The following STIM2 variants were observed in gnomAD, a reference collection of about 807,000 sequenced individuals.
STIM2 encodes the protein stromal interaction molecule 2.
In STIM2, 31 loss-of-function variants were observed where a neutral mutation model predicts 85.8. The observed-to-expected ratio is 0.36, with a 90% confidence interval of 0.27 to 0.49. The LOEUF is 0.49. Among genes scored for constraint, STIM2 ranks in the 20% least tolerant of loss-of-function variants. STIM2 has a pLI of 0.98. For synonymous variants in STIM2, 356 were observed against 331.1 expected, an observed-to-expected ratio of 1.08 and a Z score of -0.82; for missense variants, 841 against 927.6, an observed-to-expected ratio of 0.91 and a Z score of 1.21.
At chr4:26,886,431 G>A (rs548065069) in intron 1 of STIM2, among the ~76,000 whole-genome samples, 1 of 152,174 alleles carries the variant, frequency 6.6e-6, no homozygotes, top group Non-Finnish European at 1.5e-5. Context: ...AATAAAATAG[G>A]TGAGAAGGTA....
chr4:26,918,661 A>G (rs1363038726), intron 1 of STIM2, among the ~76,000 whole-genome samples: 1 of 152,200 alleles, frequency 6.6e-6, no homozygotes, highest in Non-Finnish European at 1.5e-5. Flanking sequence ...CAGACTGGGT[A>G]TAAGTGAAGC....
chr4:26,986,101 T>C (rs1376549559), intron 3 of STIM2, among the ~76,000 whole-genome samples: 1 of 152,172 alleles, frequency 6.6e-6, no homozygotes, highest in Admixed American at 6.6e-5. Flanking sequence ...GTCTGTGAAT[T>C]TGAGCAAGTG....
rs1337845511 is a variant in STIM2, at chr4:26,954,076, A to G, written c.283-3536A>G. Among the ~76,000 whole-genome samples, 9 of 152,176 alleles carry G rather than the reference A, an allele frequency of 5.9e-5. No homozygotes were observed. The East Asian group carries it at 1.7e-3, about 29-fold the overall frequency. On this transcript the variant is annotated intron_variant, in intron 2 of 11. Coordinates refer to ENST00000467087, the MANE Select transcript of STIM2 (RefSeq NM_020860.4). ...GTGAGTATTTGTCTGGGAAAAGGGT[A>G]TGGCCTGAATACAGCCCCAGAATGT...
chr4:26,896,839 A>G (rs552035652), intron 1 of STIM2, among the ~76,000 whole-genome samples: 2 of 152,306 alleles, frequency 1.3e-5, no homozygotes, highest in Admixed American at 6.5e-5. Flanking sequence ...TGTCATCACA[A>G]AGGAATTCCC....
At chr4:26,913,702 A>G (rs867771759) in intron 1 of STIM2, among the ~76,000 whole-genome samples, 7 of 152,202 alleles carry the variant, frequency 4.6e-5, no homozygotes, top group African/African-American at 7.2e-5. Context: ...TGGAAATCCA[A>G]TTAGGTAAGT....
intron 3 of STIM2, among the ~76,000 whole-genome samples, chr4:26,970,814 C>G (rs1726919384): frequency 6.6e-6 from 1 of 152,298 alleles, no homozygotes; most frequent in South Asian, 2.1e-4. Context: ...TGAGGAATCA[C>G]CACACTGTCT....
intron 10 of STIM2, among the ~76,000 whole-genome samples, chr4:27,017,317 G>A (rs1728762169): frequency 6.6e-6 from 1 of 152,184 alleles, no homozygotes; most frequent in South Asian, 2.1e-4. Flanking sequence ...GATATTTCAA[G>A]AGATACCATT....
intron 1 of STIM2, among the ~76,000 whole-genome samples, chr4:26,894,166 C>T (rs761852817): frequency 2.0e-5 from 3 of 152,174 alleles, no homozygotes; most frequent in Admixed American, 6.5e-5. Flanking sequence ...GGATTACAGG[C>T]GTGAGCCACT....
At chr4:26,973,038 A>G (rs1455748038) in intron 3 of STIM2, among the ~76,000 whole-genome samples, 1 of 152,138 alleles carries the variant, frequency 6.6e-6, no homozygotes, top group Non-Finnish European at 1.5e-5. Flanking sequence ...AGAGGTGTTT[A>G]TAGTATTCTC....
intron 3 of STIM2, among the ~76,000 whole-genome samples, chr4:26,971,858 C>A (rs1340014455): frequency 1.3e-5 from 2 of 152,158 alleles, no homozygotes; most frequent in African/African-American, 4.8e-5. Flanking sequence ...GATATTAATT[C>A]TTCCTATCCA....
intron 1 of STIM2, among the ~76,000 whole-genome samples, chr4:26,876,306 G>C (rs775914746): frequency 1.8e-4 from 27 of 152,110 alleles, no homozygotes; most frequent in Admixed American, 4.6e-4. Flanking sequence ...AGTCTCTCCT[G>C]GCTCTGTTCC....
At chr4:26,998,926 T>G (rs1728054274) in intron 4 of STIM2, among the ~76,000 whole-genome samples, 1 of 131,672 alleles carries the variant, frequency 7.6e-6, no homozygotes, top group Non-Finnish European at 1.6e-5. Flanking sequence ...AAAAAAATTT[T>G]TTTTTCAACT....
intron 1 of STIM2, among the ~76,000 whole-genome samples, chr4:26,902,091 GA>G (rs1455541395): frequency 6.6e-6 from 1 of 152,252 alleles, no homozygotes; most frequent in East Asian, 1.9e-4. Context: ...GGTTTCAACA[GA>G]AGTGGTGATG....
At chr4:26,887,699 A>G (rs951459054) in intron 1 of STIM2, among the ~76,000 whole-genome samples, 5 of 152,216 alleles carry the variant, frequency 3.3e-5, no homozygotes, top group Non-Finnish European at 7.3e-5. Context: ...ATGAATGTAT[A>G]TGTTCATTAT....
At chr4:26,934,786 G>A (rs1385197613) in intron 2 of STIM2, among the ~76,000 whole-genome samples, 1 of 152,040 alleles carries the variant, frequency 6.6e-6, no homozygotes, top group African/African-American at 2.4e-5. Flanking sequence ...ATTGGCACAT[G>A]CCTGCAATCC....
chr4:27,023,009 G>C lies in STIM2; in HGVS notation c.*13G>C. On this transcript the variant is annotated 3_prime_UTR_variant, in exon 12 of 12. Transcript: ENST00000467087. Reference sequence around the variant, plus strand: ...GAAATCTAAGTGAACTGGCTGACTTGATGGAATCATGTTCAAGTGGCATCT... The same window carrying C: ...GAAATCTAAGTGAACTGGCTGACTTCATGGAATCATGTTCAAGTGGCATCT... 6.2e-7 allele frequency: 1 copy of C among 1,602,448 alleles called. No homozygotes were observed.
chr4:26,930,741 G>A (rs1460490611), intron 2 of STIM2, among the ~76,000 whole-genome samples: 1 of 152,162 alleles, frequency 6.6e-6, no homozygotes, highest in Non-Finnish European at 1.5e-5. Context: ...ATTGAACAGT[G>A]TGTTTTGAAT....
At chr4:26,867,538 A>T (rs1722453643) in intron 1 of STIM2, among the ~76,000 whole-genome samples, 1 of 152,236 alleles carries the variant, frequency 6.6e-6, no homozygotes, top group Non-Finnish European at 1.5e-5. Flanking sequence ...GTGTTTCCAG[A>T]TTAAACTAAA....
At chr4:26,958,150 C>T (rs974921021) in intron 3 of STIM2, among the ~76,000 whole-genome samples, 3 of 151,958 alleles carry the variant, frequency 2.0e-5, no homozygotes, top group Non-Finnish European at 4.4e-5. Flanking sequence ...TATGATGTCT[C>T]GTAATAGGTG....
Sources: gnomAD v4.1 joint callset for allele counts (sites outside exome capture counted in the v4.1 genomes callset) on GRCh38, gnomAD v4.1.1 for gene constraint, MANE v1.5 for transcripts, NCBI Gene and HGNC (gene_info 2026-07-23, HGNC 2026-07-21) for gene names.